CHST11: variants seen among roughly 807,000 people sequenced by gnomAD.
The protein encoded by CHST11 is carbohydrate sulfotransferase 11, also known as C4S-1.
CHST11 carries 9 observed loss-of-function variants against 30.4 expected under a neutral mutation model. The observed-to-expected ratio is 0.30, with a 90% CI of 0.18 to 0.52. CHST11 has a LOEUF of 0.52. CHST11 is among the 20% of genes least tolerant of loss of function. The probability of loss-of-function intolerance (pLI) is 0.97; values close to 1 mark genes in which losing one functional copy is unlikely to be tolerated. For missense variants in CHST11, 348 were observed against 460.6 expected, an observed-to-expected ratio of 0.76 and a Z score of 2.24; for synonymous variants, 152 against 187.8, an observed-to-expected ratio of 0.81 and a Z score of 1.56.
chr12:104,603,925 T>A (rs1283647358), intron 2 of CHST11, among the ~76,000 whole-genome samples: 1 of 152,234 alleles, frequency 6.6e-6, no homozygotes, highest in African/African-American at 2.4e-5. Context: ...CCTTCATGGG[T>A]TCATTCACTC....
chr12:104,505,997 TA>T, intron 1 of CHST11, among the ~76,000 whole-genome samples: 1 of 152,350 alleles, frequency 6.6e-6, no homozygotes, highest in East Asian at 1.9e-4. Context: ...GAATAGGACT[TA>T]AAATCAACTC....
At chr12:104,658,077 C>A (rs544827368) in intron 2 of CHST11, among the ~76,000 whole-genome samples, 2 of 152,342 alleles carry the variant, frequency 1.3e-5, no homozygotes, top group African/African-American at 2.4e-5. Context: ...TACAAGCATG[C>A]TGTGTGGACT....
At chr12:104,559,972 A>T (rs543485725) in intron 1 of CHST11, among the ~76,000 whole-genome samples, 11 of 152,316 alleles carry the variant, frequency 7.2e-5, no homozygotes, top group Non-Finnish European at 1.6e-4. Context: ...CCGTTGAGGA[A>T]GTCTTCCCTG....
intron 1 of CHST11, among the ~76,000 whole-genome samples, chr12:104,503,750 T>A (rs1406134939): frequency 6.6e-6 from 1 of 152,090 alleles, no homozygotes; most frequent in African/African-American, 2.4e-5. Context: ...CCACCACCAG[T>A]GGGACATCAG....
At chr12:104,643,297 C>A (rs1167600063) in intron 2 of CHST11, among the ~76,000 whole-genome samples, 1 of 152,186 alleles carries the variant, frequency 6.6e-6, no homozygotes, top group Admixed American at 6.5e-5. Flanking sequence ...CACTGTGTTC[C>A]AGCCTAGGCA....
At chr12:104,625,336 C>T (rs2039202659) in intron 2 of CHST11, among the ~76,000 whole-genome samples, 1 of 152,180 alleles carries the variant, frequency 6.6e-6, no homozygotes, top group Non-Finnish European at 1.5e-5. Flanking sequence ...CGGAGTTTCG[C>T]TCTTGTCGCC....
intron 2 of CHST11, among the ~76,000 whole-genome samples, chr12:104,637,930 T>C (rs2039341427): frequency 6.6e-6 from 1 of 152,134 alleles, no homozygotes; most frequent in Non-Finnish European, 1.5e-5. Flanking sequence ...GTCTGGGTCC[T>C]GCCAGGCTGG....
intron 1 of CHST11, among the ~76,000 whole-genome samples, chr12:104,577,234 A>ATTTTTTT (rs34967812): frequency 1.2e-4 from 9 of 74,238 alleles, no homozygotes; most frequent in African/African-American, 3.0e-4. Flanking sequence ...GCAGCCCTTC[A>ATTTTTTT]TTTTTTTTTT....
At chr12:104,497,324 C>T (rs2037808056) in intron 1 of CHST11, among the ~76,000 whole-genome samples, 1 of 152,188 alleles carries the variant, frequency 6.6e-6, no homozygotes, top group African/African-American at 2.4e-5. Flanking sequence ...GGAGGCACCA[C>T]GGTTGTGCAC....
At chr12:104,601,703 G>A (rs186560139) in intron 1 of CHST11, among the ~76,000 whole-genome samples, 19 of 152,308 alleles carry the variant, frequency 1.2e-4, no homozygotes, top group Admixed American at 3.3e-4. Context: ...AGATCCTTCT[G>A]GGTGTGGAGA....
chr12:104,675,087 A>G (rs1049668313), intron 2 of CHST11, among the ~76,000 whole-genome samples: 2 of 152,204 alleles, frequency 1.3e-5, no homozygotes, highest in Non-Finnish European at 2.9e-5. Flanking sequence ...AGTCTAGTAT[A>G]GGTGTCTCTG....
At chr12:104,680,528 T>C (rs918935434) in intron 2 of CHST11, among the ~76,000 whole-genome samples, 2 of 152,184 alleles carry the variant, frequency 1.3e-5, no homozygotes, top group Non-Finnish European at 2.9e-5. Context: ...CACCATTGCT[T>C]TTGCCTACTG....
intron 1 of CHST11, among the ~76,000 whole-genome samples, chr12:104,512,386 G>C (rs139443584): frequency 9.8e-5 from 15 of 152,304 alleles, no homozygotes; most frequent in Admixed American, 7.8e-4. Flanking sequence ...TTATTATCGA[G>C]TGCCTGTGTT....
intron 1 of CHST11, among the ~76,000 whole-genome samples, chr12:104,506,763 G>T (rs1162454642): frequency 6.6e-6 from 1 of 152,208 alleles, no homozygotes; most frequent in Admixed American, 6.5e-5. Flanking sequence ...TGCTCCGACA[G>T]ACCTTTTATT....
intron 1 of CHST11, among the ~76,000 whole-genome samples, chr12:104,501,090 G>A (rs1025239410): frequency 2.0e-5 from 3 of 152,160 alleles, no homozygotes; most frequent in Non-Finnish European, 4.4e-5. Context: ...GAGGATCAGA[G>A]GGTATCTAAG....
intron 2 of CHST11, among the ~76,000 whole-genome samples, chr12:104,645,121 G>A (rs1259115982): frequency 2.0e-5 from 3 of 151,952 alleles, no homozygotes; most frequent in African/African-American, 7.2e-5. Flanking sequence ...CTAATTTTTT[G>A]TATTTTTAGT....
chr12:104,568,244 C>T (rs2038587683), intron 1 of CHST11, among the ~76,000 whole-genome samples: 1 of 152,154 alleles, frequency 6.6e-6, no homozygotes, highest in South Asian at 2.1e-4. Flanking sequence ...TCAGACTTTC[C>T]TCTCTTGCTG....
intron 1 of CHST11, among the ~76,000 whole-genome samples, chr12:104,595,805 A>G (rs2136043112): frequency 6.6e-6 from 1 of 152,358 alleles, no homozygotes; most frequent in African/African-American, 2.4e-5. Flanking sequence ...GAGATTAGGA[A>G]GTTGACCCAA....
chr12:104,629,991 A>G (rs931965388), intron 2 of CHST11, among the ~76,000 whole-genome samples: 2 of 152,224 alleles, frequency 1.3e-5, no homozygotes, highest in African/African-American at 2.4e-5. Flanking sequence ...ATTTTGAATC[A>G]GATTTAAAGC....
Sources: allele counts gnomAD v4.1 joint callset (sites outside exome capture counted in the v4.1 genomes callset), GRCh38; gene constraint gnomAD v4.1.1; transcripts MANE v1.5; gene names NCBI Gene and HGNC (gene_info 2026-07-23, HGNC 2026-07-21).